ACTL6A: variants seen among roughly 807,000 people sequenced by gnomAD.
ACTL6A encodes actin-like protein 6A.
ACTL6A carries 5 observed loss-of-function variants against 59.2 expected under a neutral mutation model. That is an observed-to-expected ratio of 0.08 (90% confidence interval 0.04 to 0.18). The LOEUF is 0.18. Among genes scored for constraint, ACTL6A ranks in the 10% least tolerant of loss-of-function variants. ACTL6A has a pLI of 1.00. For missense variants in ACTL6A, 285 were observed against 526.9 expected, an observed-to-expected ratio of 0.54 and a Z score of 4.49; for synonymous variants, 154 against 171.8, an observed-to-expected ratio of 0.90 and a Z score of 0.81.
Position 179,586,466 on chromosome 3 carries a change from TGAA to T in ACTL6A, c.1123-79_1123-77del, listed in dbSNP as rs1560015696. The T allele has an allele frequency of 2.5e-3, 1,690 of 674,520 alleles. 1 individual carries two copies. Among genetic ancestry groups the T allele is most frequent in the Middle Eastern group, 5.5e-3 (14 of 2,548 alleles). 41.8% of individuals were successfully genotyped at this position (674,520 alleles called of 1,614,324 possible). A position where few individuals can be genotyped will look rare whatever the true frequency, so the allele number is the denominator to read the frequency against. On this transcript the variant is annotated intron_variant, in intron 12 of 13. Coordinates refer to ENST00000429709, the MANE Select transcript of ACTL6A (RefSeq NM_004301.5). ...TGGCGAGGAAGACCCTGTCTCTATT[TGAA>T]AAAAAAAAAAAAAAAAAGAATTTTC...
In ACTL6A at chr3:179,570,427, A is replaced by C; in HGVS notation, c.277+186A>C. The C allele has an allele frequency of 1.8e-6, 1 of 557,318 alleles. No homozygotes were observed. The highest frequency in any genetic ancestry group is 2.5e-5 in the South Asian group (1 of 39,926). The allele number at this position is 557,318 out of a possible 1,614,324, so 34.5% of individuals were successfully genotyped here. ...ATAAGAAATGTTCCTTTTCATTAAA[A>C]GCTTACAGTTAGTTGGGGGAAATAG... On this transcript the variant is annotated intron_variant, in intron 3 of 13. Coordinates refer to ENST00000429709, the MANE Select transcript of ACTL6A (RefSeq NM_004301.5). This position sits in a 1 kb window ranked among gnomAD's most constrained non-coding sequence, Gnocchi z 4.3.
At position 179,587,944 on chromosome 3, in the gene ACTL6A, G is replaced by T. The variant is rs1718561376; in HGVS notation, c.1224G>T (p.Gln408His). Residue 408 changes from glutamine to histidine, a missense_variant, in exon 14 of 14, where the codon CAG (glutamine) becomes CAT (histidine). By Grantham distance (24) the Gln-to-His change is conservative. Transcript: ENST00000429709. ...CCATTTTACAGGGTACCTTTCAACA[G>T]ATGTGGATTTCCAAGCAAGAATATG... Reference protein sequence around the residue: ...SILASLGTFQQMWISKQEYEE... With the variant: ...SILASLGTFQHMWISKQEYEE... 1 of 1,606,862 alleles carries T rather than the reference G, an allele frequency of 6.2e-7. No individual in the cohort carries two copies. The highest frequency in any genetic ancestry group is 8.5e-7 in the Non-Finnish European group (1 of 1,178,226).
At chr3:179,586,773 A>G in intron 13 of ACTL6A, 141 bp downstream of exon 13, 3 of 690,126 alleles carry the variant, frequency 4.3e-6, no homozygotes, top group Non-Finnish European at 7.0e-6. Flanking sequence ...TGGAATAACC[A>G]GTTTTATGTG....
chr3:179,564,798 A>C (rs1162946113), intron 1 of ACTL6A, among the ~76,000 whole-genome samples: 1 of 151,898 alleles, frequency 6.6e-6, no homozygotes, highest in Non-Finnish European at 1.5e-5. Context: ...CTTGTAGATG[A>C]GTCTGTTAGG....
At chr3:179,586,078 A>G (rs1718479081) in intron 12 of ACTL6A, among the ~76,000 whole-genome samples, 1 of 152,244 alleles carries the variant, frequency 6.6e-6, no homozygotes, top group Non-Finnish European at 1.5e-5. Context: ...GACTTAGCAC[A>G]GCACCAGATT....
chr3:179,565,403 C>T (rs1173960300), intron 1 of ACTL6A, among the ~76,000 whole-genome samples: 1 of 144,662 alleles, frequency 6.9e-6, no homozygotes, highest in African/African-American at 2.5e-5. Flanking sequence ...AGACTCTATC[C>T]TAAAAAAAAC....
chr3:179,587,498 G>A (rs1718539696), intron 13 of ACTL6A, among the ~76,000 whole-genome samples: 1 of 152,136 alleles, frequency 6.6e-6, no homozygotes. Context: ...GGTTCTGGAG[G>A]AGGGCAGAAA....
chr3:179,564,700 A>T (rs1358262730), intron 1 of ACTL6A, among the ~76,000 whole-genome samples: 1 of 152,188 alleles, frequency 6.6e-6, no homozygotes, highest in African/African-American at 2.4e-5. Flanking sequence ...AAATGAGCTG[A>T]TATGTTGGAT....
At chr3:179,573,542 C>G in intron 4 of ACTL6A, 73 bp downstream of exon 4, 1 of 914,852 alleles carries the variant, frequency 1.1e-6, no homozygotes, top group Non-Finnish European at 1.5e-6. Flanking sequence ...CTTTAGTTTT[C>G]TACTCATTTG....
intron 4 of ACTL6A, 75 bp downstream of exon 4, chr3:179,573,544 A>C (rs1402488576): frequency 1.0e-6 from 1 of 973,728 alleles, no homozygotes; most frequent in Non-Finnish European, 1.5e-6. Context: ...TTAGTTTTCT[A>C]CTCATTTGAT....
intron 5 of ACTL6A, 69 bp from the exon 6 acceptor site, chr3:179,576,148 G>A: frequency 1.8e-6 from 2 of 1,093,356 alleles, no homozygotes; most frequent in East Asian, 2.4e-5. Flanking sequence ...CATTATAAGA[G>A]CCTGCCCTTT....
intron 1 of ACTL6A, 97 bp from the exon 2 acceptor site, chr3:179,569,727 G>A (rs1717945269): frequency 6.9e-6 from 7 of 1,014,890 alleles, no homozygotes; most frequent in African/African-American, 6.4e-5. Flanking sequence ...GAGGCGGGAG[G>A]ATTGCTTGAG....
Position 179,569,691 on chromosome 3 carries a change from T to A in ACTL6A, c.26-133T>A, listed in dbSNP as rs923918126. 8.1e-6 allele frequency: 6 copies of A among 739,916 alleles called. No individual in the cohort carries two copies. In the East Asian group the frequency reaches 1.3e-4, roughly 17 times the overall value. 45.8% of individuals were successfully genotyped at this position (739,916 alleles called of 1,614,324 possible). On this transcript the variant is annotated intron_variant, in intron 1 of 13. Transcript: ENST00000429709. ...GTCTACAAAAAATTTAAGAAATTCA[T>A]TGTAGTCCCAGCTATTTGGAAGACT...
chr3:179,570,332 C>T lies in ACTL6A; in HGVS notation c.277+91C>T. On this transcript the variant is annotated intron_variant, in intron 3 of 13. Transcript: ENST00000429709. This position sits in a 1 kb window ranked among gnomAD's most constrained non-coding sequence, Gnocchi z 4.3. ...AGCTTCCTATAAGTTGAACATCAACCATGGTTTTTTGTTTTGTTTTGTTTT... is the reference window on the plus strand; with the variant it reads ...AGCTTCCTATAAGTTGAACATCAACTATGGTTTTTTGTTTTGTTTTGTTTT... 1 of 1,216,886 alleles carries T rather than the reference C, an allele frequency of 8.2e-7. No individual in the cohort carries two copies. Among genetic ancestry groups the T allele is most frequent in the Non-Finnish European group, 1.1e-6 (1 of 907,210 alleles). The allele number at this position is 1,216,886 out of a possible 1,614,324, so 75.4% of individuals were successfully genotyped here.
intron 1 of ACTL6A, among the ~76,000 whole-genome samples, chr3:179,567,459 A>G (rs941083939): frequency 6.6e-6 from 1 of 152,216 alleles, no homozygotes; most frequent in Non-Finnish European, 1.5e-5. Context: ...ATTTTGACAT[A>G]TGAATTTTAG....
At chr3:179,579,503 G>C (rs1363007600) in intron 8 of ACTL6A, among the ~76,000 whole-genome samples, 1 of 136,700 alleles carries the variant, frequency 7.3e-6, no homozygotes, top group Non-Finnish European at 1.5e-5. Flanking sequence ...TTAAAGACAG[G>C]GTTGGCTGGG....
intron 1 of ACTL6A, among the ~76,000 whole-genome samples, chr3:179,564,335 T>G (rs1403487039): frequency 2.0e-5 from 3 of 152,206 alleles, no homozygotes; most frequent in Admixed American, 2.0e-4. Flanking sequence ...TTTTCCTTCA[T>G]GTTCCCCAAG....
chr3:179,579,489 C>CACACACACACAT (rs966245251), intron 8 of ACTL6A, among the ~76,000 whole-genome samples: 3 of 151,400 alleles, frequency 2.0e-5, no homozygotes, highest in South Asian at 2.1e-4. Context: ...CACACACACA[C>CACACACACACAT]ATTTTAAAGA....
chr3:179,580,263 G>C (rs1718297849), intron 8 of ACTL6A, among the ~76,000 whole-genome samples: 1 of 152,166 alleles, frequency 6.6e-6, no homozygotes, highest in African/African-American at 2.4e-5. Context: ...AAAATGTGAT[G>C]TACATGCACA....
Sources: allele counts gnomAD v4.1 joint callset (sites outside exome capture counted in the v4.1 genomes callset), GRCh38; gene constraint gnomAD v4.1.1; non-coding constraint Gnocchi (gnomAD v3.1); transcripts MANE v1.5; gene names NCBI Gene and HGNC (gene_info 2026-07-23, HGNC 2026-07-21).